The following GRXCR1 variants were observed in gnomAD, a reference collection of about 807,000 sequenced individuals.
The protein encoded by GRXCR1 is glutaredoxin domain-containing cysteine-rich protein 1.
A neutral mutation model predicts 27.3 loss-of-function variants in GRXCR1; 27 were observed. The ratio of observed to expected loss-of-function variants is 0.99; its 90% CI spans 0.73 to 1.37. The LOEUF is 1.37. Among genes scored for constraint, GRXCR1 ranks in the 40% most tolerant of loss-of-function variants. The probability of loss-of-function intolerance (pLI) is 0.00; values close to 1 mark genes in which losing one functional copy is unlikely to be tolerated. For synonymous variants in GRXCR1, 122 were observed against 131.1 expected, an observed-to-expected ratio of 0.93 and a Z score of 0.47; for missense variants, 379 against 354.4, an observed-to-expected ratio of 1.07 and a Z score of -0.56.
intron 3 of GRXCR1, among the ~76,000 whole-genome samples, chr4:43,027,810 A>G (rs1713302768): frequency 1.3e-5 from 2 of 152,170 alleles, no homozygotes; most frequent in Admixed American, 1.3e-4. Flanking sequence ...TGTACTCATT[A>G]AGATATTGAA....
chr4:42,954,951 G>A (rs1307429447), intron 1 of GRXCR1, among the ~76,000 whole-genome samples: 5 of 152,156 alleles, frequency 3.3e-5, no homozygotes, highest in Admixed American at 3.3e-4. Flanking sequence ...CTCAAATTTA[G>A]TATTAAGAAG....
chr4:42,975,221 T>C (rs909441224), intron 2 of GRXCR1, among the ~76,000 whole-genome samples: 4 of 152,148 alleles, frequency 2.6e-5, no homozygotes, highest in Non-Finnish European at 5.9e-5. Context: ...CAAAACTGAC[T>C]CATCTATAAG....
intron 1 of GRXCR1, among the ~76,000 whole-genome samples, chr4:42,911,002 C>T (rs1746712036): frequency 6.6e-6 from 1 of 152,108 alleles, no homozygotes; most frequent in South Asian, 2.1e-4. Flanking sequence ...TATAGCTCTA[C>T]AAAAGCCCTT....
At chr4:42,914,408 C>T (rs1168922628) in intron 1 of GRXCR1, among the ~76,000 whole-genome samples, 2 of 152,188 alleles carry the variant, frequency 1.3e-5, no homozygotes, top group South Asian at 2.1e-4. Flanking sequence ...TAATAACTGC[C>T]CTATTGAATT....
chr4:42,923,680 G>A (rs1157511274), intron 1 of GRXCR1, among the ~76,000 whole-genome samples: 2 of 152,026 alleles, frequency 1.3e-5, no homozygotes, highest in African/African-American at 4.8e-5. Flanking sequence ...CACTGGGTAA[G>A]GAGAAGCACA....
intron 1 of GRXCR1, among the ~76,000 whole-genome samples, chr4:42,919,920 C>T (rs113255546): frequency 1.8e-4 from 27 of 151,908 alleles, no homozygotes; most frequent in Non-Finnish European, 2.5e-4. Flanking sequence ...ATGTGGTTTG[C>T]GGGAGAAATG....
chr4:43,006,766 C>A (rs1712571523), intron 2 of GRXCR1, among the ~76,000 whole-genome samples: 1 of 152,206 alleles, frequency 6.6e-6, no homozygotes, highest in Non-Finnish European at 1.5e-5. Flanking sequence ...CTGTGACCCA[C>A]ACCTATTCAC....
At chr4:43,007,940 T>G (rs1712616688) in intron 2 of GRXCR1, among the ~76,000 whole-genome samples, 1 of 152,222 alleles carries the variant, frequency 6.6e-6, no homozygotes, top group African/African-American at 2.4e-5. Flanking sequence ...TTGTTTCATT[T>G]TTACAATGTT....
At chr4:43,017,796 A>C (rs991634180) in intron 2 of GRXCR1, among the ~76,000 whole-genome samples, 5 of 152,216 alleles carry the variant, frequency 3.3e-5, no homozygotes, top group Non-Finnish European at 7.3e-5. Context: ...TTTCCTAAGA[A>C]TGTCAATGTG....
chr4:43,023,871 A>T (rs149351921), intron 3 of GRXCR1, among the ~76,000 whole-genome samples: 224 of 152,362 alleles, frequency 1.5e-3, no homozygotes, highest in Non-Finnish European at 2.5e-3. Context: ...GGCTGAAAGG[A>T]TGAATGAAAC....
chr4:42,902,999 T>C (rs529169079), intron 1 of GRXCR1, among the ~76,000 whole-genome samples: 2 of 152,250 alleles, frequency 1.3e-5, no homozygotes, highest in Admixed American at 1.3e-4. Context: ...TAGCTTGTTG[T>C]CAGAGTATAA....
At chr4:42,997,511 G>C (rs1463629949) in intron 2 of GRXCR1, among the ~76,000 whole-genome samples, 3 of 152,170 alleles carry the variant, frequency 2.0e-5, no homozygotes, top group African/African-American at 7.2e-5. Flanking sequence ...ACACTGGAGA[G>C]ACTGCTCCTC....
intron 1 of GRXCR1, among the ~76,000 whole-genome samples, chr4:42,952,995 A>G (rs1747920061): frequency 6.6e-6 from 1 of 152,144 alleles, no homozygotes; most frequent in African/African-American, 2.4e-5. Context: ...CGTCAAGGAC[A>G]TGTTCTTTTT....
At chr4:43,018,959 G>A (rs1377465878) in intron 2 of GRXCR1, among the ~76,000 whole-genome samples, 7 of 152,078 alleles carry the variant, frequency 4.6e-5, no homozygotes, top group Admixed American at 4.6e-4. Context: ...CTGTAGCCCT[G>A]TGCGTTCGTT....
chr4:43,001,268 G>T (rs1048213996), intron 2 of GRXCR1, among the ~76,000 whole-genome samples: 21 of 151,848 alleles, frequency 1.4e-4, no homozygotes, highest in Non-Finnish European at 2.5e-4. Flanking sequence ...TTGCTCTTTT[G>T]CTTGTTTTAA....
chr4:42,902,403 A>C (rs1746480807), intron 1 of GRXCR1, among the ~76,000 whole-genome samples: 1 of 152,108 alleles, frequency 6.6e-6, no homozygotes, highest in Admixed American at 6.6e-5. Context: ...TTACTGCATT[A>C]ATTTGCTGAG....
At chr4:43,019,548 C>T (rs1422212082) in intron 2 of GRXCR1, among the ~76,000 whole-genome samples, 1 of 152,174 alleles carries the variant, frequency 6.6e-6, no homozygotes, top group Admixed American at 6.5e-5. Context: ...AAAATAATTA[C>T]TCCAGTTTTT....
chr4:42,961,408 C>A (rs913972428), intron 1 of GRXCR1, among the ~76,000 whole-genome samples: 1 of 151,884 alleles, frequency 6.6e-6, no homozygotes, highest in African/African-American at 2.4e-5. Flanking sequence ...TTAGGCATCA[C>A]CATTTATAAA....
chr4:42,922,901 A>G (rs1054565814), intron 1 of GRXCR1, among the ~76,000 whole-genome samples: 2 of 152,064 alleles, frequency 1.3e-5, no homozygotes, highest in Admixed American at 1.3e-4. Context: ...CTGGCTTCAC[A>G]GTGCTAAATA....
Sources: gnomAD v4.1 joint callset for allele counts (sites outside exome capture counted in the v4.1 genomes callset) on GRCh38, gnomAD v4.1.1 for gene constraint, MANE v1.5 for transcripts, NCBI Gene and HGNC (gene_info 2026-07-23, HGNC 2026-07-21) for gene names.